The following TACR3 variants were observed in gnomAD, a reference collection of about 807,000 sequenced individuals.
TACR3 encodes the protein tachykinin receptor 3.
In TACR3, 34 loss-of-function variants were observed where a neutral mutation model predicts 35.0. That is an observed-to-expected ratio of 0.97 (90% confidence interval 0.74 to 1.30). The LOEUF (loss-of-function observed/expected upper bound fraction) is 1.30, where lower values mean the gene tolerates loss of function less well. Among genes scored for constraint, TACR3 ranks in the 50% most tolerant of loss-of-function variants. The pLI is 0.00. For missense variants in TACR3, 558 were observed against 591.7 expected, an observed-to-expected ratio of 0.94 and a Z score of 0.59; for synonymous variants, 233 against 221.1, an observed-to-expected ratio of 1.05 and a Z score of -0.48.
intron 3 of TACR3, among the ~76,000 whole-genome samples, chr4:103,628,661 C>T (rs1279972399): frequency 2.6e-5 from 4 of 152,090 alleles, no homozygotes; most frequent in Non-Finnish European, 5.9e-5. Context: ...TAATTAATAG[C>T]CCACCAACCA....
intron 3 of TACR3, among the ~76,000 whole-genome samples, chr4:103,616,297 CGTGTATGTGT>C (rs1479171560): frequency 1.9e-5 from 2 of 103,172 alleles, no homozygotes; most frequent in African/African-American, 9.5e-5. Context: ...AGAGTACATA[CGTGTATGTGT>C]GTGTGTGTGT....
intron 1 of TACR3, among the ~76,000 whole-genome samples, chr4:103,700,793 C>G (rs1722632165): frequency 6.6e-6 from 1 of 152,092 alleles, no homozygotes. Context: ...GAACCAACGA[C>G]AAAAAGCATA....
chr4:103,638,684 C>T (rs1486916992), intron 3 of TACR3, among the ~76,000 whole-genome samples: 1 of 152,054 alleles, frequency 6.6e-6, no homozygotes, highest in Non-Finnish European at 1.5e-5. Context: ...TTTTTGCAAC[C>T]TACTTATCTG....
At chr4:103,631,086 C>A (rs948516224) in intron 3 of TACR3, among the ~76,000 whole-genome samples, 1 of 152,066 alleles carries the variant, frequency 6.6e-6, no homozygotes, top group Non-Finnish European at 1.5e-5. Flanking sequence ...GACCAAAAAC[C>A]AAACACGGCA....
chr4:103,704,105 C>CAAAAAAAA (rs59034473), intron 1 of TACR3, among the ~76,000 whole-genome samples: 227 of 64,652 alleles, frequency 3.5e-3, no homozygotes, highest in Non-Finnish European at 4.6e-3. Flanking sequence ...CTCTATCTCA[C>CAAAAAAAA]AAAAAAAAAA....
At chr4:103,688,800 G>T (rs968724947) in intron 1 of TACR3, among the ~76,000 whole-genome samples, 3 of 152,106 alleles carry the variant, frequency 2.0e-5, no homozygotes, top group Non-Finnish European at 4.4e-5. Context: ...CACTGTTGGT[G>T]GAACTGTAAA....
At position 103,683,662 on chromosome 4, in the gene TACR3, T is replaced by C. The variant is rs148777241; in HGVS notation, c.549-25259A>G. Among the ~76,000 whole-genome samples, 216 of 152,156 alleles carry C rather than the reference T, an allele frequency of 1.4e-3. 1 individual carries two copies. Among genetic ancestry groups the C allele is most frequent in the African/African-American group, 4.9e-3 (203 of 41,558 alleles). On this transcript the variant is annotated intron_variant, in intron 1 of 4. Coordinates refer to ENST00000304883, the MANE Select transcript of TACR3 (RefSeq NM_001059.3). ...AAAACTCTACCCAAAATGAGTTCTA[T>C]ATTTACTAAATTTCCAAAATATGAA...
chr4:103,603,650 T>A (rs1724267019), intron 3 of TACR3, among the ~76,000 whole-genome samples: 1 of 152,214 alleles, frequency 6.6e-6, no homozygotes, highest in Admixed American at 6.5e-5. Flanking sequence ...CATGTGTCTT[T>A]ATAGTAGAAT....
chr4:103,651,444 T>C (rs1725616184), intron 3 of TACR3, among the ~76,000 whole-genome samples: 1 of 151,838 alleles, frequency 6.6e-6, no homozygotes, highest in African/African-American at 2.4e-5. Context: ...TTAAGTCAGC[T>C]TGTGGTAAAT....
chr4:103,687,916 C>G (rs1407719332), intron 1 of TACR3, among the ~76,000 whole-genome samples: 1 of 152,052 alleles, frequency 6.6e-6, no homozygotes, highest in Non-Finnish European at 1.5e-5. Context: ...TCATATGGAA[C>G]CAAAAAAGAG....
intron 3 of TACR3, among the ~76,000 whole-genome samples, chr4:103,622,556 C>T (rs1194201134): frequency 6.6e-6 from 1 of 151,990 alleles, no homozygotes; most frequent in African/African-American, 2.4e-5. Context: ...ACAGTGAAAC[C>T]CCGTCTCTAC....
rs576203461 is a variant in TACR3, at chr4:103,597,599, C to T, written c.889-5916G>A. ...AGGTACATCTCCTAATGCTATCCCT[C>T]CCCCGTCCCCCCACCCCACAAGAGT... On this transcript the variant is annotated intron_variant, in intron 3 of 4. Transcript: ENST00000304883. Among the ~76,000 whole-genome samples the T allele has an allele frequency of 1.5e-4, 22 of 151,196 alleles. No individual in the cohort carries two copies. The East Asian group carries it at 3.3e-3, about 23-fold the overall frequency.
chr4:103,715,147 A>G (rs1289211297), intron 1 of TACR3, among the ~76,000 whole-genome samples: 1 of 152,196 alleles, frequency 6.6e-6, no homozygotes, highest in African/African-American at 2.4e-5. Context: ...CAATTAGATA[A>G]AACAGTAATT....
intron 3 of TACR3, among the ~76,000 whole-genome samples, chr4:103,597,291 A>G (rs934193954): frequency 6.6e-5 from 10 of 152,032 alleles, no homozygotes; most frequent in Non-Finnish European, 1.2e-4. Flanking sequence ...AAAGATTGCC[A>G]TTCTAACTGG....
intron 1 of TACR3, among the ~76,000 whole-genome samples, chr4:103,660,834 TTGG>T (rs1394200080): frequency 5.9e-5 from 9 of 152,148 alleles, no homozygotes; most frequent in African/African-American, 9.6e-5. Context: ...CATGGTTATT[TTGG>T]TGAAGATAAT....
chr4:103,664,103 G>A (rs954550493), intron 1 of TACR3, among the ~76,000 whole-genome samples: 9 of 152,098 alleles, frequency 5.9e-5, no homozygotes, highest in African/African-American at 2.2e-4. Flanking sequence ...ATGTTTTAAA[G>A]TCACTTTTTA....
intron 1 of TACR3, among the ~76,000 whole-genome samples, chr4:103,686,902 C>T (rs1722255624): frequency 6.6e-6 from 1 of 152,064 alleles, no homozygotes; most frequent in South Asian, 2.1e-4. Context: ...TTTATGAGGC[C>T]AGCATCATCC....
intron 1 of TACR3, among the ~76,000 whole-genome samples, chr4:103,666,206 C>T (rs531855965): frequency 2.0e-5 from 3 of 152,284 alleles, no homozygotes; most frequent in East Asian, 1.9e-4. Flanking sequence ...AATTAGACCT[C>T]GTCTTGGTTA....
chr4:103,713,915 A>T (rs937605089), intron 1 of TACR3, among the ~76,000 whole-genome samples: 11 of 152,150 alleles, frequency 7.2e-5, no homozygotes, highest in Admixed American at 2.0e-4. Context: ...CCTGTGAGGA[A>T]TATTGCTCAT....
Sources: allele counts gnomAD v4.1 joint callset (sites outside exome capture counted in the v4.1 genomes callset), GRCh38; gene constraint gnomAD v4.1.1; transcripts MANE v1.5; gene names NCBI Gene and HGNC (gene_info 2026-07-23, HGNC 2026-07-21).